ANO2: variants seen among roughly 807,000 people sequenced by gnomAD.
The protein encoded by ANO2 is anoctamin 2.
In ANO2, 101 loss-of-function variants were observed where a neutral mutation model predicts 124.2. The ratio of observed to expected loss-of-function variants is 0.81; its 90% CI spans 0.69 to 0.96. The LOEUF is 0.96. ANO2 is among the 40% of genes least tolerant of loss of function. The pLI is 0.00. For missense variants in ANO2, 1,293 were observed against 1,274.5 expected (o/e 1.01, Z -0.22); for synonymous variants, 486 against 482.5 (o/e 1.01, Z -0.09).
At chr12:5,587,363 C>A (rs1943166645) in intron 20 of ANO2, among the ~76,000 whole-genome samples, 1 of 152,188 alleles carries the variant, frequency 6.6e-6, no homozygotes, top group Non-Finnish European at 1.5e-5. Flanking sequence ...GGACTTGTCA[C>A]TAAACTCTTC....
At chr12:5,824,141 C>T (rs1953889143) in intron 7 of ANO2, among the ~76,000 whole-genome samples, 1 of 152,188 alleles carries the variant, frequency 6.6e-6, no homozygotes, top group Non-Finnish European at 1.5e-5. Flanking sequence ...CCTGACATGG[C>T]CTGGAGACAT....
intron 14 of ANO2, among the ~76,000 whole-genome samples, chr12:5,668,395 G>GTTTTTTTTTTTTTTTTTTTTT (rs539092061): frequency 6.7e-6 from 1 of 149,186 alleles, no homozygotes; most frequent in African/African-American, 2.5e-5. Flanking sequence ...ACTTTTTAAT[G>GTTTTTTTTTTTTTTTTTTTTT]TTTTTTTTTT....
intron 14 of ANO2, among the ~76,000 whole-genome samples, chr12:5,661,105 C>T (rs1482328821): frequency 1.3e-5 from 2 of 152,144 alleles, no homozygotes; most frequent in African/African-American, 4.8e-5. Context: ...TCTGATCTAC[C>T]CTCCTGCCTC....
At position 5,577,985 on chromosome 12, in the gene ANO2, A is replaced by G. The variant is rs753083315; in HGVS notation, c.2409T>C (p.Ser803=). 1 of 1,613,860 alleles carries G rather than the reference A, an allele frequency of 6.2e-7. No individual in the cohort carries two copies. ...KDIGIWFDIL[S]GIGKFSVISN... The stretch of plus-strand genomic sequence containing the variant: ...TGATAACAGAGAACTTGCCAATTCC[A>G]GAGAGAATGTCAAACCAGATTCCTA... The change falls in exon 22 of 25, where the codon TCT becomes TCC. Residue 803 remains serine, a synonymous_variant. Transcript: ENST00000682330.
At position 5,908,142 on chromosome 12, in the gene ANO2, C is replaced by T. The variant is rs762474248; in HGVS notation, c.534+12898G>A. On this transcript the variant is annotated intron_variant, in intron 3 of 24. Transcript: ENST00000682330. This position sits in a 1 kb window ranked among gnomAD's most constrained non-coding sequence, Gnocchi z 4.7. ...CCACTCTGAAGCCTTTGGGGGTTCC[C>T]GTGTCTGCAGAGAACAACAGAAAAG... is the stretch of plus-strand genomic sequence containing the variant. Among the ~76,000 whole-genome samples the T allele has an allele frequency of 1.3e-5, 2 of 152,216 alleles. No individual in the cohort carries two copies. The highest frequency in any genetic ancestry group is 2.4e-5 in the African/African-American group (1 of 41,456).
chr12:5,809,156 C>T (rs1425556512), intron 7 of ANO2, among the ~76,000 whole-genome samples: 2 of 152,044 alleles, frequency 1.3e-5, no homozygotes, highest in East Asian at 3.9e-4. Flanking sequence ...GGAAGGGTGC[C>T]TGGAGGTTCG....
rs1952262625 is a variant in ANO2 at position 5,777,382 on chromosome 12, G to C, written c.1055+22125C>G. 2.6e-5 allele frequency among the ~76,000 whole-genome samples: 4 copies of C among 151,892 alleles called. No individual in the cohort carries two copies. The South Asian group carries it at 8.3e-4, about 32-fold the overall frequency. ...GTTGATGATACAGAGAAAGAGACAA[G>C]GTCATTGGGAGCAAAGGCTGCAAAA... On this transcript the variant is annotated intron_variant, in intron 10 of 24. Transcript: ENST00000682330.
At chr12:5,707,208 C>G (rs921670845) in intron 14 of ANO2, among the ~76,000 whole-genome samples, 3 of 152,106 alleles carry the variant, frequency 2.0e-5, no homozygotes, top group Non-Finnish European at 4.4e-5. Context: ...CCTGCACTCT[C>G]TCTCTCTCCT....
chr12:5,620,790 C>T (rs1945080451), intron 16 of ANO2, among the ~76,000 whole-genome samples: 1 of 152,024 alleles, frequency 6.6e-6, no homozygotes, highest in Non-Finnish European at 1.5e-5. Context: ...TCCTGCACTG[C>T]TTCACCAAAT....
At chr12:5,851,426 G>A (rs1456519283) in intron 4 of ANO2, among the ~76,000 whole-genome samples, 3 of 152,114 alleles carry the variant, frequency 2.0e-5, no homozygotes, top group African/African-American at 7.2e-5. Context: ...GGTGGCTCAC[G>A]CTTGTAATCC....
intron 4 of ANO2, among the ~76,000 whole-genome samples, chr12:5,834,990 C>T (rs905928070): frequency 4.6e-5 from 7 of 152,216 alleles, no homozygotes; most frequent in Middle Eastern, 3.4e-3. Context: ...GTAATGGATG[C>T]GTAGTATTAC....
At chr12:5,604,429 C>T (rs1345773243) in intron 19 of ANO2, among the ~76,000 whole-genome samples, 2 of 152,112 alleles carry the variant, frequency 1.3e-5, no homozygotes, top group Non-Finnish European at 2.9e-5. Flanking sequence ...TGAGAATCAT[C>T]GTGGAAAGAG....
chr12:5,744,058 C>A (rs1951187490), intron 12 of ANO2, 99 bp downstream of exon 12: 6 of 1,448,046 alleles, frequency 4.1e-6, no homozygotes, highest in South Asian at 1.3e-5. Flanking sequence ...AGAAAAAATG[C>A]GAAAGTAAGT....
chr12:5,601,267 G>A (rs1383743517), intron 19 of ANO2, among the ~76,000 whole-genome samples: 4 of 152,062 alleles, frequency 2.6e-5, no homozygotes, highest in Admixed American at 2.0e-4. Context: ...TACATGCTCT[G>A]ATAGACATTT....
intron 19 of ANO2, among the ~76,000 whole-genome samples, chr12:5,608,423 T>C (rs1183052393): frequency 6.6e-6 from 1 of 151,922 alleles, no homozygotes; most frequent in Non-Finnish European, 1.5e-5. Flanking sequence ...CATAATTATG[T>C]TGTACACATC....
At position 5,565,643 on chromosome 12, in the gene ANO2, G is replaced by A. The variant is rs372358207; in HGVS notation, c.2642C>T (p.Pro881Leu). ...QFCRFKDYRE[P>L]PWAPNPYEFS... ...CTCATAAGGGTTCGGGGCCCATGGCGGCTCTCGGTAATCCTTAAACCTGCC... is the reference window on the plus strand; with the variant it reads ...CTCATAAGGGTTCGGGGCCCATGGCAGCTCTCGGTAATCCTTAAACCTGCC... The change falls in exon 24 of 25, where the codon CCG becomes CTG. Residue 881 changes from proline to leucine, a missense_variant. Pro to Leu is a moderately conservative substitution (Grantham distance 98). Transcript: ENST00000682330. 1.1e-5 allele frequency: 18 copies of A among 1,600,786 alleles called. No homozygotes were observed. The highest frequency in any genetic ancestry group is 6.8e-5 in the South Asian group (6 of 88,408).
chr12:5,667,039 C>A (rs1443822060), intron 14 of ANO2, among the ~76,000 whole-genome samples: 2 of 152,174 alleles, frequency 1.3e-5, no homozygotes, highest in Non-Finnish European at 2.9e-5. Flanking sequence ...AACTTACTGT[C>A]ACATGCCGAT....
intron 1 of ANO2, among the ~76,000 whole-genome samples, chr12:5,942,026 G>C (rs1229460003): frequency 6.6e-6 from 1 of 152,200 alleles, no homozygotes; most frequent in African/African-American, 2.4e-5. Flanking sequence ...TGTTCTGCAG[G>C]CTGAAGGGAA....
At chr12:5,712,525 C>T (rs768837027) in intron 14 of ANO2, among the ~76,000 whole-genome samples, 1 of 152,172 alleles carries the variant, frequency 6.6e-6, no homozygotes. Flanking sequence ...TGGATTCTCT[C>T]CTAGAGACTT....
Sources: gnomAD v4.1 joint callset for allele counts (sites outside exome capture counted in the v4.1 genomes callset) on GRCh38, gnomAD v4.1.1 for gene constraint, Gnocchi (gnomAD v3.1) non-coding constraint, MANE v1.5 for transcripts, NCBI Gene and HGNC (gene_info 2026-07-23, HGNC 2026-07-21) for gene names.